SPAG16: variants seen among roughly 807,000 people sequenced by gnomAD.
SPAG16 encodes sperm-associated antigen 16 protein.
Under a neutral mutation model 80.4 loss-of-function variants are expected in SPAG16, and 86 were observed. The observed-to-expected ratio is 1.07, with a 90% CI of 0.90 to 1.28. The LOEUF (loss-of-function observed/expected upper bound fraction) is 1.28. SPAG16 is among the 50% of genes most tolerant of loss of function. SPAG16 has a pLI of 0.00. For missense variants in SPAG16, 870 were observed against 765.3 expected, an observed-to-expected ratio of 1.14 and a Z score of -1.61; for synonymous variants, 294 against 265.9, an observed-to-expected ratio of 1.11 and a Z score of -1.03.
intron 10 of SPAG16, among the ~76,000 whole-genome samples, chr2:213,777,726 A>T (rs1417563290): frequency 6.6e-6 from 1 of 151,958 alleles, no homozygotes; most frequent in African/African-American, 2.4e-5. Context: ...TAGGAGAGAT[A>T]GGGTTTCACC....
In SPAG16 at chr2:214,262,302, C is replaced by A. The variant is rs145957119; in HGVS notation, c.1720+113036C>A. Among the ~76,000 whole-genome samples, 86 of 152,010 alleles carry A rather than the reference C, an allele frequency of 5.7e-4. 1 individual carries two copies. In the Middle Eastern group the frequency reaches 0.01, roughly 18 times the overall value. On this transcript the variant is annotated intron_variant, in intron 15 of 15. Transcript: ENST00000331683. ...TAAAACTTTGAGTTAATTTTTTGAA[C>A]GAGTTTTTATGTTTAAAAATGTGCC...
At chr2:213,543,948 ATC>A (rs1350285932) in intron 10 of SPAG16, among the ~76,000 whole-genome samples, 1 of 152,068 alleles carries the variant, frequency 6.6e-6, no homozygotes, top group Non-Finnish European at 1.5e-5. Context: ...AATTTTGTTG[ATC>A]TCTTTCAAGC....
intron 10 of SPAG16, among the ~76,000 whole-genome samples, chr2:213,579,822 C>A (rs2124843298): frequency 6.6e-6 from 1 of 152,236 alleles, no homozygotes; most frequent in Admixed American, 6.5e-5. Flanking sequence ...TCCTCACCAA[C>A]AATTTTGTAT....
chr2:214,118,938 C>T (rs79139925), intron 14 of SPAG16, among the ~76,000 whole-genome samples: 1,536 of 152,182 alleles, frequency 0.01, 22 homozygotes, highest in African/African-American at 0.035. Flanking sequence ...TATCATACTA[C>T]CTGACATTAA....
At chr2:213,850,286 G>A (rs1373488064) in intron 10 of SPAG16, among the ~76,000 whole-genome samples, 1 of 152,186 alleles carries the variant, frequency 6.6e-6, no homozygotes, top group South Asian at 2.1e-4. Context: ...TTCTTTATAA[G>A]GGTCAGGACC....
At chr2:213,680,483 T>A (rs2064325501) in intron 10 of SPAG16, among the ~76,000 whole-genome samples, 1 of 152,022 alleles carries the variant, frequency 6.6e-6, no homozygotes, top group Non-Finnish European at 1.5e-5. Context: ...CAAGGGCTCT[T>A]ATGGATGTCC....
chr2:213,992,909 G>A (rs2046352391), intron 12 of SPAG16, among the ~76,000 whole-genome samples: 1 of 152,198 alleles, frequency 6.6e-6, no homozygotes, highest in Non-Finnish European at 1.5e-5. Flanking sequence ...GTCGTGTAAT[G>A]AAAATGGATG....
At chr2:213,492,473 C>G (rs1401265855) in intron 10 of SPAG16, among the ~76,000 whole-genome samples, 3 of 151,930 alleles carry the variant, frequency 2.0e-5, no homozygotes, top group Non-Finnish European at 4.4e-5. Context: ...TGGCATGAAC[C>G]CGGGAGGTGG....
intron 15 of SPAG16, among the ~76,000 whole-genome samples, chr2:214,398,006 A>G (rs1701495315): frequency 6.6e-6 from 1 of 152,156 alleles, no homozygotes; most frequent in African/African-American, 2.4e-5. Flanking sequence ...TGCCAGCCAC[A>G]TGATCCAAGC....
intron 12 of SPAG16, among the ~76,000 whole-genome samples, chr2:213,939,386 G>A (rs1447790497): frequency 6.6e-6 from 1 of 152,160 alleles, no homozygotes; most frequent in African/African-American, 2.4e-5. Flanking sequence ...CTTGGTCATT[G>A]ATCAAAAGAT....
At chr2:214,199,395 C>T (rs531652341) in intron 15 of SPAG16, among the ~76,000 whole-genome samples, 150 of 152,092 alleles carry the variant, frequency 9.9e-4, no homozygotes, top group African/African-American at 3.4e-3. Flanking sequence ...TTTGCTTTGT[C>T]GAAGATCAGT....
At chr2:214,009,223 G>A (rs989874217) in intron 12 of SPAG16, among the ~76,000 whole-genome samples, 1 of 151,946 alleles carries the variant, frequency 6.6e-6, no homozygotes, top group Admixed American at 6.6e-5. Flanking sequence ...GCTCCCTTTT[G>A]TCAGCTACCC....
chr2:213,300,739 A>G (rs2062708698), intron 3 of SPAG16, among the ~76,000 whole-genome samples: 1 of 152,158 alleles, frequency 6.6e-6, no homozygotes, highest in Non-Finnish European at 1.5e-5. Context: ...TAAATAAATG[A>G]ATATTTTAAA....
intron 9 of SPAG16, among the ~76,000 whole-genome samples, chr2:213,433,199 A>G (rs2070409217): frequency 6.6e-6 from 1 of 152,192 alleles, no homozygotes; most frequent in South Asian, 2.1e-4. Flanking sequence ...CTAGAACAAG[A>G]CAAGAATGTG....
intron 10 of SPAG16, among the ~76,000 whole-genome samples, chr2:213,753,089 T>C (rs987602532): frequency 1.8e-4 from 27 of 152,198 alleles, no homozygotes; most frequent in Non-Finnish European, 3.5e-4. Context: ...CTCAGCTCAC[T>C]GCAAGCTCCA....
At chr2:213,496,214 A>C (rs1436912495) in intron 10 of SPAG16, among the ~76,000 whole-genome samples, 1 of 152,170 alleles carries the variant, frequency 6.6e-6, no homozygotes, top group Non-Finnish European at 1.5e-5. Context: ...GCTAATGAAT[A>C]GTCAGATTTT....
intron 11 of SPAG16, among the ~76,000 whole-genome samples, chr2:213,889,304 G>A (rs924789872): frequency 3.3e-5 from 5 of 151,898 alleles, no homozygotes; most frequent in Middle Eastern, 3.4e-3. Flanking sequence ...AAATTTTGAT[G>A]TAAAAATGTT....
At chr2:213,453,894 A>G (rs2071848664) in intron 9 of SPAG16, among the ~76,000 whole-genome samples, 1 of 152,224 alleles carries the variant, frequency 6.6e-6, no homozygotes, top group Admixed American at 6.5e-5. Flanking sequence ...TGCAGAGGAA[A>G]GATTCAATAT....
intron 9 of SPAG16, among the ~76,000 whole-genome samples, chr2:213,406,648 G>A (rs936750112): frequency 2.0e-5 from 3 of 152,046 alleles, no homozygotes; most frequent in South Asian, 4.2e-4. Flanking sequence ...AGACCTAAGC[G>A]GTGTGCTCAC....
Sources: allele counts gnomAD v4.1 joint callset (sites outside exome capture counted in the v4.1 genomes callset), GRCh38; gene constraint gnomAD v4.1.1; transcripts MANE v1.5; gene names NCBI Gene and HGNC (gene_info 2026-07-23, HGNC 2026-07-21).